The following TNK1 variants were observed in gnomAD, a reference collection of about 807,000 sequenced individuals.
TNK1 encodes tyrosine kinase non receptor 1.
In TNK1, 53 loss-of-function variants were observed where a neutral mutation model predicts 65.2. The observed-to-expected ratio is 0.81, with a 90% confidence interval of 0.65 to 1.02. The LOEUF is 1.02. Ranked by LOEUF, TNK1 falls within the 50% of genes least tolerant of loss-of-function variation. TNK1 has a pLI of 0.00. For synonymous variants in TNK1, 353 were observed against 364.6 expected (o/e 0.97, Z 0.36); for missense variants, 837 against 878.4 (o/e 0.95, Z 0.60).
intron 6 of TNK1, 34 bp downstream of exon 6, chr17:7,384,287 G>A: frequency 6.9e-7 from 1 of 1,440,492 alleles, no homozygotes; most frequent in Admixed American, 2.9e-5. Context: ...CGGGCTCTGA[G>A]CCGGGCGGAT....
rs1162587920 is a variant in TNK1, at chr17:7,387,161, A to G, written c.1397+7A>G. The G allele has an allele frequency of 1.3e-6, 2 of 1,572,556 alleles. No homozygotes were observed. The highest frequency in any genetic ancestry group is 1.2e-5 in the South Asian group (1 of 85,270). Reference sequence around the variant, plus strand: ...ACCCAGGAAGCATAGATGGGTGAGGACCTGAAAGGGTGAGGGCAGGGGTTG... The same window carrying G: ...ACCCAGGAAGCATAGATGGGTGAGGGCCTGAAAGGGTGAGGGCAGGGGTTG... On this transcript the variant is annotated splice_region_variant and intron_variant, in intron 9 of 12. Coordinates refer to ENST00000688331, the MANE Select transcript of TNK1 (RefSeq NM_003985.6).
chr17:7,388,760 GGCCTGAGT>G lies in TNK1; in HGVS notation c.1777-26_1777-19del. The G allele has an allele frequency of 6.2e-7, 1 of 1,604,828 alleles. No individual in the cohort carries two copies. The highest frequency in any genetic ancestry group is 8.5e-7 in the Non-Finnish European group (1 of 1,174,878). ...AGAAGGGGCTACAGGCAGGGGCAGG[GGCCTGAGT>G]GAGGCTTTGTCTGTCACAGGTGGAG... On this transcript the variant is annotated intron_variant, in intron 11 of 12. Coordinates refer to ENST00000688331, the MANE Select transcript of TNK1 (RefSeq NM_003985.6). This position sits in a 1 kb window ranked among gnomAD's most constrained non-coding sequence, Gnocchi z 4.5.
At chr17:7,385,812 G>A (rs1567647078) in intron 7 of TNK1, among the ~76,000 whole-genome samples, 1 of 152,158 alleles carries the variant, frequency 6.6e-6, no homozygotes, top group Non-Finnish European at 1.5e-5. Context: ...TGATCCACCT[G>A]CCTTGGCCTC....
At position 7,384,035 on chromosome 17, in the gene TNK1, G is replaced by T. The variant is rs1905018004; in HGVS notation, c.648G>T (p.Pro216=). Residue 216 remains proline (P), a synonymous_variant, in exon 6 of 13, where the codon CCG becomes CCT. Transcript: ENST00000688331. ...ARLTAPAPTP[P]LLVALLCLFL... Reference sequence around the variant, plus strand: ...TAACGGCCCCGGCCCCGACACCCCCGCTGCTCGTGGCCCTGCTCTGCCTCT... The same window carrying T: ...TAACGGCCCCGGCCCCGACACCCCCTCTGCTCGTGGCCCTGCTCTGCCTCT... 1 of 1,516,306 alleles carries T rather than the reference G, an allele frequency of 6.6e-7. No individual in the cohort carries two copies. Among genetic ancestry groups the T allele is most frequent in the Non-Finnish European group, 8.8e-7 (1 of 1,136,866 alleles). The allele number at this position is 1,516,306 out of a possible 1,614,324, so 93.9% of individuals were successfully genotyped here. A position where few individuals can be genotyped will look rare whatever the true frequency, so the allele number is the denominator to read the frequency against.
rs756916099 is a variant in TNK1, at chr17:7,384,248, C to G, written c.861C>G (p.Tyr287Ter). The G allele has an allele frequency of 6.8e-6, 10 of 1,470,618 alleles. No homozygotes were observed. The highest frequency in any genetic ancestry group is 8.0e-6 in the Non-Finnish European group (9 of 1,118,948). 91.1% of individuals were successfully genotyped at this position (1,470,618 alleles called of 1,614,324 possible). The change falls in exon 6 of 13, where the codon TAC becomes TAG. Residue 287 changes from tyrosine (Y) to a stop codon, truncating the protein, a stop_gained. Coordinates refer to ENST00000688331, the MANE Select transcript of TNK1 (RefSeq NM_003985.6). LOFTEE classifies it high-confidence loss of function. The part of the protein sequence containing the change: ...YVMGGPRPIP[Y>*]AWCAPESLRH... ...TGGGCGGGCCCCGCCCTATCCCCTA[C>G]GCCTGGTGAGAGCGGGTCCGCGGGC...
At chr17:7,381,333 A>T (rs1056335509) in intron 1 of TNK1, among the ~76,000 whole-genome samples, 1 of 151,742 alleles carries the variant, frequency 6.6e-6, no homozygotes, top group Admixed American at 6.6e-5. Context: ...TCCCAACCCA[A>T]CCCTGTTCGC....
rs771829370 is a variant in TNK1 at position 7,383,737 on chromosome 17, T to G, written c.455T>G (p.Val152Gly). 1.9e-6 allele frequency: 3 copies of G among 1,612,438 alleles called. No homozygotes were observed. The Admixed American group carries it at 5.0e-5, about 27-fold the overall frequency. Residue 152 changes from valine (V) to glycine (G), a missense_variant, in exon 5 of 13, where the codon GTA becomes GGA. Transcript: ENST00000688331. Reference protein sequence around the residue: ...SVPVAVKSLRVGPEGPMGTEL... With the variant: ...SVPVAVKSLRGGPEGPMGTEL... ...CCAGTGGCTGTCAAGTCCCTCCGGG[T>G]AGGTCCCGAAGGCCCGATGGGCACA... is the stretch of plus-strand genomic sequence containing the variant.
Position 7,384,080 on chromosome 17 carries a change from A to C in TNK1, c.693A>C (p.Gly231=). Reference sequence around the variant, plus strand: ...GCCTCTTCCTGCGGCAGCTGGCGGGAGCCATGGCGTACCTGGGGGCCCGCG... The same window carrying C: ...GCCTCTTCCTGCGGCAGCTGGCGGGCGCCATGGCGTACCTGGGGGCCCGCG... ...LLCLFLRQLA[G]AMAYLGARGL... is the part of the protein sequence containing the mutation. The change falls in exon 6 of 13, where the codon GGA becomes GGC. Residue 231 remains glycine (G), a synonymous_variant. Coordinates refer to ENST00000688331, the MANE Select transcript of TNK1 (RefSeq NM_003985.6). 6.5e-7 allele frequency: 1 copy of C among 1,540,408 alleles called. No individual in the cohort carries two copies. Among genetic ancestry groups the C allele is most frequent in the Non-Finnish European group, 8.7e-7 (1 of 1,150,624 alleles).
At chr17:7,386,539 C>T (rs1172978979) in intron 7 of TNK1, 22 bp from the exon 8 acceptor site, 1 of 1,579,274 alleles carries the variant, frequency 6.3e-7, no homozygotes, top group Admixed American at 1.8e-5. Flanking sequence ...AGCCCAGCCA[C>T]CCTTTCCTCT....
At position 7,388,741 on chromosome 17, in the gene TNK1, G is replaced by A. The variant is rs1240472683; in HGVS notation, c.1776+37G>A. On this transcript the variant is annotated intron_variant, in intron 11 of 12. Coordinates refer to ENST00000688331, the MANE Select transcript of TNK1 (RefSeq NM_003985.6). This position sits in a 1 kb window ranked among gnomAD's most constrained non-coding sequence, Gnocchi z 4.5. ...CTGAAATGGCCTGGTGTCCAGAAGGGGCTACAGGCAGGGGCAGGGGCCTGA... is the reference window on the plus strand; with the variant it reads ...CTGAAATGGCCTGGTGTCCAGAAGGAGCTACAGGCAGGGGCAGGGGCCTGA... 8 of 1,606,790 alleles carry A rather than the reference G, an allele frequency of 5.0e-6. No homozygotes were observed. Among genetic ancestry groups the A allele is most frequent in the Non-Finnish European group, 6.8e-6 (8 of 1,175,954 alleles).
chr17:7,383,805 T>C lies in TNK1; in HGVS notation c.523T>C (p.Leu175=). 2 of 1,613,280 alleles carry C rather than the reference T, an allele frequency of 1.2e-6. No individual in the cohort carries two copies. The highest frequency in any genetic ancestry group is 1.7e-6 in the Non-Finnish European group (2 of 1,179,642). Residue 175 remains leucine (L), a synonymous_variant, in exon 5 of 13, where the codon TTG becomes CTG. Coordinates refer to ENST00000688331, the MANE Select transcript of TNK1 (RefSeq NM_003985.6). ...FLREVSVMMN[L]EHPHVLRLHG... The stretch of plus-strand genomic sequence containing the variant: ...GCGAGAGGTATCGGTCATGATGAAC[T>C]TGGAGCACCCACACGTGCTGCGTCT...
chr17:7,383,675 C>G (rs752560899), intron 4 of TNK1, 34 bp from the exon 5 acceptor site: 1 of 1,603,864 alleles, frequency 6.2e-7, no homozygotes, highest in South Asian at 1.1e-5. Flanking sequence ...TCTTCATGCC[C>G]GCAATGCCTA....
intron 9 of TNK1, 87 bp from the exon 10 acceptor site, chr17:7,387,291 T>G: frequency 6.6e-7 from 1 of 1,521,252 alleles, no homozygotes; most frequent in Non-Finnish European, 8.9e-7. Flanking sequence ...TCTCCTGGGT[T>G]CCCCTGTGAG....
intron 3 of TNK1, 39 bp from the exon 4 acceptor site, chr17:7,383,386 G>T: frequency 6.2e-7 from 1 of 1,613,748 alleles, no homozygotes. Flanking sequence ...GGAGGGGGGC[G>T]CAGGGCTCTG....
At chr17:7,387,353 G>T (rs746832483) in intron 9 of TNK1, 25 bp from the exon 10 acceptor site, 5 of 1,588,324 alleles carry the variant, frequency 3.1e-6, no homozygotes, top group Non-Finnish European at 4.3e-6. Context: ...TGGTGTGGAG[G>T]ATGAACTGGA....
Position 7,383,700 on chromosome 17 carries a change from C to A in TNK1, c.427-9C>A, listed in dbSNP as rs377094233. ...CGCAATGCCTAAAGGCGCTTCCCCC[C>A]ACCTCCAGGTCCCAGTGGCTGTCAA... On this transcript the variant is annotated splice_polypyrimidine_tract_variant and intron_variant, in intron 4 of 12. Transcript: ENST00000688331. The A allele has an allele frequency of 6.2e-6, 10 of 1,611,008 alleles. No individual in the cohort carries two copies. Among genetic ancestry groups the A allele is most frequent in the South Asian group, 3.3e-5 (3 of 90,576 alleles).
chr17:7,384,293 C>T, intron 6 of TNK1, 40 bp downstream of exon 6: 5 of 1,437,612 alleles, frequency 3.5e-6, no homozygotes, highest in Non-Finnish European at 3.6e-6. Flanking sequence ...CTGAGCCGGG[C>T]GGATCCGGAG....
In TNK1 at chr17:7,384,019, C is replaced by T; in HGVS notation, c.632C>T (p.Pro211Leu). The T allele has an allele frequency of 6.6e-7, 1 of 1,505,670 alleles. No individual in the cohort carries two copies. Among genetic ancestry groups the T allele is most frequent in the South Asian group, 1.3e-5 (1 of 79,398 alleles). 93.3% of individuals were successfully genotyped at this position (1,505,670 alleles called of 1,614,324 possible). ...TCCCTGCACGCGCGCCTAACGGCCC[C>T]GGCCCCGACACCCCCGCTGCTCGTG... ...LGSLHARLTA[P>L]APTPPLLVAL... Residue 211 changes from proline (P) to leucine (L), a missense_variant, in exon 6 of 13, where the codon CCG (proline) becomes CTG (leucine). Coordinates refer to ENST00000688331, the MANE Select transcript of TNK1 (RefSeq NM_003985.6).
At chr17:7,385,845 A>G (rs1010519812) in intron 7 of TNK1, among the ~76,000 whole-genome samples, 3 of 152,194 alleles carry the variant, frequency 2.0e-5, no homozygotes, top group African/African-American at 7.2e-5. Context: ...GATTACAGGC[A>G]TGAGCCACCG....
Sources: gnomAD v4.1 joint callset for allele counts (sites outside exome capture counted in the v4.1 genomes callset) on GRCh38, gnomAD v4.1.1 for gene constraint, Gnocchi (gnomAD v3.1) non-coding constraint, MANE v1.5 for transcripts, NCBI Gene and HGNC (gene_info 2026-07-23, HGNC 2026-07-21) for gene names.